TRMT13: variants seen among roughly 807,000 people sequenced by gnomAD.
The protein encoded by TRMT13 is tRNA:m(4)X modification enzyme TRM13 homolog.
In TRMT13, 45 loss-of-function variants were observed where a neutral mutation model predicts 55.9. That is an observed-to-expected ratio of 0.80 (90% CI 0.63 to 1.03). TRMT13 has a LOEUF of 1.03. TRMT13 is among the 50% of genes least tolerant of loss of function. The pLI, the probability that TRMT13 is intolerant of heterozygous loss-of-function variation, is 0.00. For synonymous variants in TRMT13, 183 were observed against 196.3 expected, an observed-to-expected ratio of 0.93 and a Z score of 0.57; for missense variants, 513 against 563.9, an observed-to-expected ratio of 0.91 and a Z score of 0.91.
At chr1:100,135,056 A>G (rs901829297) in intron 1 of TRMT13, among the ~76,000 whole-genome samples, 6 of 152,142 alleles carry the variant, frequency 3.9e-5, no homozygotes, top group East Asian at 1.9e-4. Context: ...AAATGAAGAC[A>G]TTTTGGTTGT....
intron 7 of TRMT13, among the ~76,000 whole-genome samples, chr1:100,141,748 GACAAGTTCT>G (rs975154292): frequency 2.0e-5 from 3 of 152,238 alleles, no homozygotes; most frequent in Non-Finnish European, 2.9e-5. Context: ...AGAAGGGAGT[GACAAGTTCT>G]ATTGCAGGGA....
intron 9 of TRMT13, 136 bp from the exon 10 acceptor site, chr1:100,147,758 T>G: frequency 1.2e-5 from 9 of 734,304 alleles, no homozygotes; most frequent in Non-Finnish European, 1.7e-5. Flanking sequence ...GATAGTATTA[T>G]TACAAATATA....
chr1:100,134,076 G>GA (rs984879587), intron 1 of TRMT13, among the ~76,000 whole-genome samples: 5 of 143,534 alleles, frequency 3.5e-5, no homozygotes, highest in Admixed American at 6.7e-5. Flanking sequence ...TCTCAAAAAA[G>GA]AAAAAAAAAT....
rs142999992 is a variant in TRMT13 at position 100,146,588 on chromosome 1, C to T, written c.818-1306C>T. Among the ~76,000 whole-genome samples, 1,185 of 152,262 alleles carry T rather than the reference C, an allele frequency of 7.8e-3. 12 individuals are homozygous for T. The highest frequency in any genetic ancestry group is 0.027 in the African/African-American group (1,115 of 41,544). On this transcript the variant is annotated intron_variant, in intron 9 of 10. Transcript: ENST00000370141. ...TGGCGCAATCTCGGCTCACTGCAAC[C>T]TCCGCCTCCCGGCTTCAAGCGATTC...
chr1:100,133,195 C>G lies in TRMT13; in HGVS notation c.27C>G (p.His9Gln), dbSNP rs1386981867. The G allele has an allele frequency of 6.2e-6, 10 of 1,614,030 alleles. No homozygotes were observed. The highest frequency in any genetic ancestry group is 5.0e-5 in the Admixed American group (3 of 59,988). The change falls in exon 1 of 11, where the codon CAC (histidine) becomes CAG (glutamine). Residue 9 changes from histidine to glutamine, a missense_variant. Around this residue, in one of 3 missense-constraint regions of TRMT13, gnomAD observed 298 missense variants for 290.3 expected, o/e 1.03. Coordinates refer to ENST00000370141, the MANE Select transcript of TRMT13 (RefSeq NM_019083.3). MATSATSPHAPGFPAEGRC... is the reference protein window; with the variant it reads MATSATSPQAPGFPAEGRC... ...TGGCGACCTCCGCGACGTCGCCGCA[C>G]GCGCCTGGTTTTCCAGCTGAGGGTA...
chr1:100,137,901 A>G (rs964455662), intron 3 of TRMT13, among the ~76,000 whole-genome samples: 3 of 152,168 alleles, frequency 2.0e-5, no homozygotes, highest in East Asian at 3.8e-4. Flanking sequence ...ACCACCACCT[A>G]CTTAGGACTT....
Position 100,150,299 on chromosome 1 carries a change from G to C in TRMT13, c.*1479G>C, listed in dbSNP as rs976321821. 6.6e-6 allele frequency: 1 copy of C among 151,954 alleles called. No homozygotes were observed. Among genetic ancestry groups the C allele is most frequent in the Non-Finnish European group, 1.5e-5 (1 of 67,960 alleles). 9.4% of individuals were successfully genotyped at this position (151,954 alleles called of 1,614,324 possible). A position where few individuals can be genotyped will look rare whatever the true frequency, so the allele number is the denominator to read the frequency against. The stretch of plus-strand genomic sequence containing the variant: ...TTTAAGTTGTTAACTTTTTTCCCTT[G>C]TTATAAGTTTTATGTCAAGTAAGGT... On this transcript the variant is annotated 3_prime_UTR_variant, in exon 11 of 11. Transcript: ENST00000370141.
intron 1 of TRMT13, among the ~76,000 whole-genome samples, chr1:100,134,594 A>G (rs1280841216): frequency 1.3e-5 from 2 of 152,126 alleles, no homozygotes; most frequent in Non-Finnish European, 2.9e-5. Flanking sequence ...AATATGGGAG[A>G]CGTGATTTGT....
chr1:100,148,474 T>C, intron 10 of TRMT13, 148 bp downstream of exon 10: 1 of 1,072,142 alleles, frequency 9.3e-7, no homozygotes, highest in Non-Finnish European at 1.3e-6. Context: ...TTTATTGTGG[T>C]CATAAATATA....
intron 9 of TRMT13, chr1:100,144,567 C>CA (rs199980985): frequency 0.083 from 11,501 of 139,290 alleles, 465 homozygotes; most frequent in South Asian, 0.18. Flanking sequence ...AAATGTTAGA[C>CA]AAAAAAAAAA....
chr1:100,133,614 G>A (rs1281368043), intron 1 of TRMT13, among the ~76,000 whole-genome samples: 1 of 152,132 alleles, frequency 6.6e-6, no homozygotes, highest in African/African-American at 2.4e-5. Context: ...CTACCGCTCC[G>A]TCTTCCTGCT....
At chr1:100,140,615 AG>A in intron 6 of TRMT13, 101 bp downstream of exon 6, 1 of 1,012,142 alleles carries the variant, frequency 9.9e-7, no homozygotes, top group Non-Finnish European at 1.5e-6. Flanking sequence ...TTTACCTTTG[AG>A]GGTACCAAAT....
chr1:100,144,125 C>G lies in TRMT13; in HGVS notation c.799C>G (p.Leu267Val). The change falls in exon 9 of 11, where the codon CTG becomes GTG. Residue 267 changes from leucine (L) to valine (V), a missense_variant. Coordinates refer to ENST00000370141, the MANE Select transcript of TRMT13 (RefSeq NM_019083.3). ...ACCTGTGGTAGGAATTGGAAAGCATCTGTGTGGTATGGCAACAGGTACGTA... is the reference window on the plus strand; with the variant it reads ...ACCTGTGGTAGGAATTGGAAAGCATGTGTGTGGTATGGCAACAGGTACGTA... ...KLPVVGIGKH[L>V]CGMATDLALR... 1 of 1,613,342 alleles carries G rather than the reference C, an allele frequency of 6.2e-7. No individual in the cohort carries two copies. Among genetic ancestry groups the G allele is most frequent in the Non-Finnish European group, 8.5e-7 (1 of 1,179,448 alleles).
chr1:100,133,439 A>T (rs1655314992), intron 1 of TRMT13, 124 bp downstream of exon 1: 2 of 1,188,622 alleles, frequency 1.7e-6, no homozygotes, highest in Non-Finnish European at 2.3e-6. Context: ...TCCAGCTTTC[A>T]CTTTAATAAA....
rs754212785 is a variant in TRMT13 at position 100,148,172 on chromosome 1, C to T, written c.1096C>T (p.Arg366Ter). The T allele has an allele frequency of 1.4e-5, 22 of 1,613,952 alleles. No homozygotes were observed. The highest frequency in any genetic ancestry group is 1.5e-5 in the Non-Finnish European group (18 of 1,180,032). Residue 366 changes from arginine to a stop codon, truncating the protein, a stop_gained, in exon 10 of 11, where the codon CGA (arginine) becomes TGA (stop). Transcript: ENST00000370141. LOFTEE classifies it high-confidence loss of function. The part of the protein sequence containing the change: ...LGAVEFHYFQ[R>*]MSSWATCGMR... ...AGCAGTGGAATTCCATTATTTCCAG[C>T]GAATGAGTAGTTGGGCAACTTGTGG...
chr1:100,146,921 A>G (rs993198052), intron 9 of TRMT13, among the ~76,000 whole-genome samples: 1 of 152,266 alleles, frequency 6.6e-6, no homozygotes, highest in Non-Finnish European at 1.5e-5. Context: ...TAGATTAGCT[A>G]TCACTTTCTG....
Position 100,149,598 on chromosome 1 carries a change from G to A in TRMT13, c.*778G>A. 1.8e-6 allele frequency: 1 copy of A among 564,654 alleles called. No homozygotes were observed. Among genetic ancestry groups the A allele is most frequent in the Non-Finnish European group, 3.0e-6 (1 of 331,072 alleles). The allele number at this position is 564,654 out of a possible 1,614,324, so 35.0% of individuals were successfully genotyped here. On this transcript the variant is annotated 3_prime_UTR_variant, in exon 11 of 11. Coordinates refer to ENST00000370141, the MANE Select transcript of TRMT13 (RefSeq NM_019083.3). The stretch of plus-strand genomic sequence containing the variant: ...TTTTATCAGGTCATTTTTTATATAT[G>A]TAGGCACAAACAATAAGTATGTTCT...
chr1:100,136,092 A>G (rs1417287825), intron 1 of TRMT13, among the ~76,000 whole-genome samples: 3 of 152,172 alleles, frequency 2.0e-5, no homozygotes, highest in Non-Finnish European at 2.9e-5. Context: ...ATGTTCTCCC[A>G]ATGACAAAAT....
At position 100,133,240 on chromosome 1, in the gene TRMT13, A is replaced by C; in HGVS notation, c.72A>C (p.Glu24Asp). The C allele has an allele frequency of 1.9e-6, 3 of 1,614,098 alleles. No homozygotes were observed. The highest frequency in any genetic ancestry group is 2.5e-6 in the Non-Finnish European group (3 of 1,179,996). ...PAEGRCGYYVEKKKRFCRMVV... is the reference protein window; with the variant it reads ...PAEGRCGYYVDKKKRFCRMVV... ...AGGGTAGATGCGGTTACTATGTGGAAAAGAAGAAACGGTTCTGCAGGATGG... is the reference window on the plus strand; with the variant it reads ...AGGGTAGATGCGGTTACTATGTGGACAAGAAGAAACGGTTCTGCAGGATGG... The change falls in exon 1 of 11, where the codon GAA (glutamate) becomes GAC (aspartate). Residue 24 changes from glutamate to aspartate, a missense_variant. This residue lies in a region of TRMT13 where 298 missense variants were observed against 290.3 expected (regional missense o/e 1.03). Coordinates refer to ENST00000370141, the MANE Select transcript of TRMT13 (RefSeq NM_019083.3).
Sources: allele counts gnomAD v4.1 joint callset (sites outside exome capture counted in the v4.1 genomes callset), GRCh38; gene constraint gnomAD v4.1.1; regional missense constraint gnomAD v4.1.1; transcripts MANE v1.5; gene names NCBI Gene and HGNC (gene_info 2026-07-23, HGNC 2026-07-21).